The following CACNA1A variants were observed in gnomAD, a reference collection of about 807,000 sequenced individuals.
CACNA1A encodes calcium voltage-gated channel subunit alpha1 A.
CACNA1A carries 57 observed loss-of-function variants against 262.4 expected under a neutral mutation model. The ratio of observed to expected loss-of-function variants is 0.22; its 90% CI spans 0.18 to 0.27. CACNA1A has a LOEUF of 0.27. Ranked by LOEUF, CACNA1A falls within the 10% of genes least tolerant of loss-of-function variation. The probability of loss-of-function intolerance (pLI) is 1.00; values close to 1 mark genes in which losing one functional copy is unlikely to be tolerated. For missense variants in CACNA1A, 2,526 were observed against 3,562.8 expected (o/e 0.71, Z 7.41); for synonymous variants, 1,431 against 1,419.3 (o/e 1.01, Z -0.18).
Position 13,212,917 on chromosome 19 carries a change from A to C in CACNA1A, c.5941-177T>G, listed in dbSNP as rs1467159668. On this transcript the variant is annotated intron_variant, in intron 40 of 46. Coordinates refer to ENST00000360228, the MANE Select transcript of CACNA1A (RefSeq NM_001127222.2). The surrounding 1 kb of genome is among the most constrained non-coding windows in gnomAD (Gnocchi z 5.6). ...GAACTGGACCACTTCTCACTCCTCC[A>C]CCCAAGTCATAGCCCCAGCCTGGTC... is the stretch of plus-strand genomic sequence containing the variant. Among the ~76,000 whole-genome samples the C allele has an allele frequency of 6.6e-6, 1 of 151,426 alleles. No homozygotes were observed. The highest frequency in any genetic ancestry group is 6.6e-5 in the Admixed American group (1 of 15,174).
intron 3 of CACNA1A, among the ~76,000 whole-genome samples, chr19:13,407,965 C>T (rs536069850): frequency 1.3e-5 from 2 of 149,484 alleles, no homozygotes; most frequent in South Asian, 2.2e-4. Flanking sequence ...GGTTTTGTAG[C>T]ACTCCCCCCC....
At chr19:13,497,500 AAAAAAAAAAAAAAAAAAAAAAATATAT>A (rs1981686508) in intron 1 of CACNA1A, among the ~76,000 whole-genome samples, 1 of 32,910 alleles carries the variant, frequency 3.0e-5, no homozygotes, top group Non-Finnish European at 5.2e-5. Flanking sequence ...AAAAAAAAAA[AAAAAAAAAAAAAAAAAAAAAAATATAT>A]ATATATATAT....
intron 24 of CACNA1A, among the ~76,000 whole-genome samples, chr19:13,266,854 C>T (rs555964564): frequency 2.6e-5 from 4 of 152,268 alleles, no homozygotes; most frequent in East Asian, 3.9e-4. Context: ...GGATTAGAGG[C>T]GTGAGCCACC....
At chr19:13,406,557 G>C (rs1248845229) in intron 3 of CACNA1A, among the ~76,000 whole-genome samples, 4 of 139,668 alleles carry the variant, frequency 2.9e-5, no homozygotes, top group Non-Finnish European at 3.1e-5. Context: ...CTTCAATTCA[G>C]GGATTGAGCA....
intron 24 of CACNA1A, among the ~76,000 whole-genome samples, chr19:13,267,693 A>G (rs1033705645): frequency 2.6e-5 from 4 of 152,080 alleles, no homozygotes; most frequent in Non-Finnish European, 5.9e-5. Context: ...CTATAATCCC[A>G]GCACCTTGGG....
At chr19:13,428,205 G>C (rs1265003166) in intron 3 of CACNA1A, among the ~76,000 whole-genome samples, 1 of 152,132 alleles carries the variant, frequency 6.6e-6, no homozygotes, top group South Asian at 2.1e-4. Context: ...TGGGATTATA[G>C]GCGTGAGCCA....
chr19:13,298,828 C>T lies in CACNA1A; in HGVS notation c.2805G>A (p.Arg935=), dbSNP rs1002026253. ...AGDPHRRHVH[R]QGGSRESRSG... is the part of the protein sequence containing the mutation. Reference sequence around the variant, plus strand: ...TGCGGCTCTCCCTGCTGCCCCCCTGCCGGTGCACGTGCCTCCGGTGGGGGT... The same window carrying T: ...TGCGGCTCTCCCTGCTGCCCCCCTGTCGGTGCACGTGCCTCCGGTGGGGGT... The change falls in exon 19 of 47, where the codon CGG becomes CGA. Residue 935 remains arginine, a synonymous_variant. Transcript: ENST00000360228. 2.0e-5 allele frequency: 31 copies of T among 1,575,530 alleles called. No individual in the cohort carries two copies. Among genetic ancestry groups the T allele is most frequent in the Middle Eastern group, 2.0e-4 (1 of 5,116 alleles).
intron 3 of CACNA1A, among the ~76,000 whole-genome samples, chr19:13,437,274 A>C (rs547830554): frequency 6.6e-6 from 1 of 152,340 alleles, no homozygotes; most frequent in East Asian, 1.9e-4. Flanking sequence ...GAAGATGATA[A>C]GCTATGTAAA....
intron 11 of CACNA1A, among the ~76,000 whole-genome samples, chr19:13,314,055 C>G (rs886835013): frequency 6.6e-6 from 1 of 152,094 alleles, no homozygotes. Context: ...ATTGCAAATG[C>G]CTCAGGGAGG....
At chr19:13,265,800 G>A (rs1469199843) in intron 24 of CACNA1A, among the ~76,000 whole-genome samples, 1 of 151,716 alleles carries the variant, frequency 6.6e-6, no homozygotes, top group Non-Finnish European at 1.5e-5. Flanking sequence ...TTAACAAAGA[G>A]CCCAGCTTGA....
At chr19:13,488,243 C>A (rs1161838074) in intron 1 of CACNA1A, among the ~76,000 whole-genome samples, 1 of 152,080 alleles carries the variant, frequency 6.6e-6, no homozygotes, top group African/African-American at 2.4e-5. Context: ...GCTTAGCCAC[C>A]TAATGGGCTT....
At position 13,303,621 on chromosome 19, in the gene CACNA1A, T is replaced by C. The variant is rs763822129; in HGVS notation, c.2105-8A>G. The C allele has an allele frequency of 1.2e-5, 20 of 1,611,646 alleles. No individual in the cohort carries two copies. Among genetic ancestry groups the C allele is most frequent in the Admixed American group, 5.0e-5 (3 of 59,592 alleles). On this transcript the variant is annotated splice_region_variant and splice_polypyrimidine_tract_variant and intron_variant, in intron 16 of 46. Coordinates refer to ENST00000360228, the MANE Select transcript of CACNA1A (RefSeq NM_001127222.2). ...ACACATTCAGGAGGGTGTCTGCAAATGTCTGAGTCAGGAAAAGCAACCACT... is the reference window on the plus strand; with the variant it reads ...ACACATTCAGGAGGGTGTCTGCAAACGTCTGAGTCAGGAAAAGCAACCACT...
intron 1 of CACNA1A, among the ~76,000 whole-genome samples, chr19:13,494,248 T>C (rs897685943): frequency 6.6e-6 from 1 of 152,226 alleles, no homozygotes; most frequent in Non-Finnish European, 1.5e-5. Context: ...TCTTCAGAGA[T>C]TTTTTTGTGG....
chr19:13,327,266 G>A (rs1011879653), intron 10 of CACNA1A, among the ~76,000 whole-genome samples: 6 of 152,068 alleles, frequency 3.9e-5, no homozygotes, highest in African/African-American at 4.8e-5. Flanking sequence ...CTCTTTTGGG[G>A]TGGTCTAGAA....
At chr19:13,462,325 T>C (rs368674047) in intron 1 of CACNA1A, among the ~76,000 whole-genome samples, 5 of 152,184 alleles carry the variant, frequency 3.3e-5, no homozygotes, top group African/African-American at 9.7e-5. Flanking sequence ...AGCCAGGTCA[T>C]TGAGCTTGTG....
chr19:13,403,805 T>A lies in CACNA1A; in HGVS notation c.540-32026A>T, dbSNP rs183641444. ...CAAACAAACAAACAAAAAAAAACTT[T>A]AAATTAGCTGGGCATGGTGGTATGC... On this transcript the variant is annotated intron_variant, in intron 3 of 46. Transcript: ENST00000360228. Among the ~76,000 whole-genome samples, 32 of 151,836 alleles carry A rather than the reference T, an allele frequency of 2.1e-4. No homozygotes were observed. The Middle Eastern group carries it at 0.01, about 48-fold the overall frequency.
Position 13,385,226 on chromosome 19 carries a change from C to CTTTTTT in CACNA1A, c.540-13448_540-13447insAAAAAA, listed in dbSNP as rs200379554. 3.3e-4 allele frequency among the ~76,000 whole-genome samples: 45 copies of CTTTTTT among 137,568 alleles called. 1 individual carries two copies. Among genetic ancestry groups the CTTTTTT allele is most frequent in the African/African-American group, 1.1e-3 (39 of 36,202 alleles). 90.2% of individuals were successfully genotyped at this position (137,568 alleles called of 152,430 possible). A position where few individuals can be genotyped will look rare whatever the true frequency, so the allele number is the denominator to read the frequency against. On this transcript the variant is annotated intron_variant, in intron 3 of 46. Coordinates refer to ENST00000360228, the MANE Select transcript of CACNA1A (RefSeq NM_001127222.2). ...GTAGGGCAGATATTTTCTATTCTTT[C>CTTTTTT]TTTCTTTTTTTTTTTTTTTTTGAGA...
chr19:13,252,225 G>A (rs952055426), intron 30 of CACNA1A, among the ~76,000 whole-genome samples: 2 of 151,696 alleles, frequency 1.3e-5, no homozygotes, highest in Non-Finnish European at 2.9e-5. Flanking sequence ...ACCATGCCTG[G>A]CTAATTAAAA....
intron 6 of CACNA1A, among the ~76,000 whole-genome samples, chr19:13,359,320 C>T (rs766833024): frequency 1.3e-5 from 2 of 152,128 alleles, no homozygotes; most frequent in Non-Finnish European, 2.9e-5. Context: ...ATAACCTTTC[C>T]GTATTCAAAA....
Sources: gnomAD v4.1 joint callset for allele counts (sites outside exome capture counted in the v4.1 genomes callset) on GRCh38, gnomAD v4.1.1 for gene constraint, Gnocchi (gnomAD v3.1) non-coding constraint, MANE v1.5 for transcripts, NCBI Gene and HGNC (gene_info 2026-07-23, HGNC 2026-07-21) for gene names.